STK38L: variants seen among roughly 807,000 people sequenced by gnomAD.
STK38L encodes serine/threonine-protein kinase 38-like.
In STK38L, 28 loss-of-function variants were observed where a neutral mutation model predicts 59.7. That is an observed-to-expected ratio of 0.47 (90% CI 0.35 to 0.64). The LOEUF (loss-of-function observed/expected upper bound fraction) is 0.64. Among genes scored for constraint, STK38L ranks in the 30% least tolerant of loss-of-function variants. The pLI, the probability that STK38L is intolerant of heterozygous loss-of-function variation, is 0.01. For missense variants in STK38L, 314 were observed against 555.8 expected, an observed-to-expected ratio of 0.56 and a Z score of 4.37; for synonymous variants, 162 against 176.8, an observed-to-expected ratio of 0.92 and a Z score of 0.66.
chr12:27,304,972 A>G (rs1434741605), intron 3 of STK38L, among the ~76,000 whole-genome samples: 10 of 152,110 alleles, frequency 6.6e-5, no homozygotes, highest in Admixed American at 4.6e-4. Flanking sequence ...TGATCCTTAC[A>G]GTTTATCTGT....
rs1034073326 is a variant in STK38L, at chr12:27,314,620, C to T, written c.634C>T (p.Arg212Trp). Reference sequence around the variant, plus strand: ...GATCCACCAGTTGGGTTTCATCCATCGGGATATTAAGCCAGACAACCTTTT... The same window carrying T: ...GATCCACCAGTTGGGTTTCATCCATTGGGATATTAAGCCAGACAACCTTTT... ...DAIHQLGFIH[R>W]DIKPDNLLLD... The change falls in exon 7 of 14, where the codon CGG (arginine) becomes TGG (tryptophan). Residue 212 changes from arginine to tryptophan, a missense_variant. Transcript: ENST00000389032. 2 of 1,607,346 alleles carry T rather than the reference C, an allele frequency of 1.2e-6. No homozygotes were observed. Among genetic ancestry groups the T allele is most frequent in the African/African-American group, 1.3e-5 (1 of 74,522 alleles).
chr12:27,309,359 T>A (rs956642297), intron 5 of STK38L, among the ~76,000 whole-genome samples, 162 bp downstream of exon 5: 1 of 152,242 alleles, frequency 6.6e-6, no homozygotes, highest in Non-Finnish European at 1.5e-5. Context: ...TTAAGGTTTC[T>A]TCTAAATTTA....
chr12:27,296,402 A>T (rs1489683008), intron 1 of STK38L, among the ~76,000 whole-genome samples: 1 of 152,254 alleles, frequency 6.6e-6, no homozygotes, highest in Admixed American at 6.5e-5. Flanking sequence ...CAAGCAGTAC[A>T]TTGAGGTATA....
intron 1 of STK38L, among the ~76,000 whole-genome samples, chr12:27,278,922 T>C (rs748063137): frequency 4.6e-5 from 7 of 152,156 alleles, no homozygotes; most frequent in Non-Finnish European, 1.0e-4. Flanking sequence ...AATTGAACTT[T>C]CCAAGTAGAT....
At chr12:27,315,399 T>C (rs1248919858) in intron 9 of STK38L, 49 bp downstream of exon 9, 2 of 1,436,736 alleles carry the variant, frequency 1.4e-6, no homozygotes, top group Non-Finnish European at 1.9e-6. Flanking sequence ...TTCTAAAATC[T>C]TACCTGGTTT....
chr12:27,300,641 T>C, intron 2 of STK38L: 1 of 455,902 alleles, frequency 2.2e-6, no homozygotes, highest in South Asian at 1.6e-5. Context: ...TAGGAGATTA[T>C]TCTTGTCTAA....
At chr12:27,306,646 T>G (rs1281511798) in intron 3 of STK38L, among the ~76,000 whole-genome samples, 1 of 151,386 alleles carries the variant, frequency 6.6e-6, no homozygotes, top group Non-Finnish European at 1.5e-5. Context: ...CCGTTAAAAC[T>G]GATATTTAAG....
intron 1 of STK38L, among the ~76,000 whole-genome samples, chr12:27,263,836 G>A (rs1039658972): frequency 4.6e-5 from 7 of 152,206 alleles, no homozygotes; most frequent in Non-Finnish European, 7.3e-5. Flanking sequence ...ATCTGTCTAC[G>A]TGAGAGTGCC....
At chr12:27,262,821 T>C in intron 1 of STK38L, among the ~76,000 whole-genome samples, 1 of 145,044 alleles carries the variant, frequency 6.9e-6, no homozygotes, top group Non-Finnish European at 1.5e-5. Flanking sequence ...TTTTTTGAGA[T>C]AGAGTCTTAC....
intron 1 of STK38L, among the ~76,000 whole-genome samples, chr12:27,252,483 C>G (rs1261831030): frequency 6.6e-6 from 1 of 152,192 alleles, no homozygotes; most frequent in Non-Finnish European, 1.5e-5. Flanking sequence ...AGTTAAGTGT[C>G]TACCCACTGA....
chr12:27,251,987 C>CTT, intron 1 of STK38L, among the ~76,000 whole-genome samples: 1 of 150,298 alleles, frequency 6.7e-6, no homozygotes, highest in Middle Eastern at 3.4e-3. Flanking sequence ...TACAGTAGCA[C>CTT]TTTTTTTTTT....
intron 12 of STK38L, among the ~76,000 whole-genome samples, chr12:27,321,166 G>A (rs1206295032): frequency 6.6e-6 from 1 of 152,108 alleles, no homozygotes; most frequent in African/African-American, 2.4e-5. Flanking sequence ...GTATAAATGA[G>A]TTGGAATAAT....
At chr12:27,254,977 A>G (rs74072912) in intron 1 of STK38L, among the ~76,000 whole-genome samples, 2,794 of 152,350 alleles carry the variant, frequency 0.018, 91 homozygotes, top group African/African-American at 0.063. Context: ...TCTTTTAATC[A>G]AACATTTCTG....
At chr12:27,306,752 C>CACACACACACACACACACATAT (rs1491536388) in intron 3 of STK38L, among the ~76,000 whole-genome samples, 1 of 139,636 alleles carries the variant, frequency 7.2e-6, no homozygotes, top group South Asian at 2.3e-4. Context: ...CACACACACA[C>CACACACACACACACACACATAT]ATATATTTGA....
chr12:27,297,874 A>G lies in STK38L; in HGVS notation c.134+20A>G. ...AACCAGGTATAGTAAGGGCTAATCAAAACTTTTTTTAGTTAAATAAGCTGT... is the reference window on the plus strand; with the variant it reads ...AACCAGGTATAGTAAGGGCTAATCAGAACTTTTTTTAGTTAAATAAGCTGT... On this transcript the variant is annotated intron_variant, in intron 2 of 13. Transcript: ENST00000389032. 1 of 1,611,462 alleles carries G rather than the reference A, an allele frequency of 6.2e-7. No homozygotes were observed. Among genetic ancestry groups the G allele is most frequent in the South Asian group, 1.1e-5 (1 of 90,804 alleles).
intron 1 of STK38L, among the ~76,000 whole-genome samples, chr12:27,291,283 A>G (rs940261141): frequency 6.6e-6 from 1 of 152,110 alleles, no homozygotes; most frequent in African/African-American, 2.4e-5. Flanking sequence ...TACTCAGTCT[A>G]TCGGTATGCT....
At chr12:27,287,327 C>T (rs1189374214) in intron 1 of STK38L, among the ~76,000 whole-genome samples, 1 of 152,024 alleles carries the variant, frequency 6.6e-6, no homozygotes, top group Non-Finnish European at 1.5e-5. Flanking sequence ...CCAGGCTGGT[C>T]TCAAACTCCT....
intron 1 of STK38L, among the ~76,000 whole-genome samples, chr12:27,289,006 A>AT (rs967441825): frequency 8.6e-5 from 13 of 151,414 alleles, no homozygotes; most frequent in East Asian, 3.9e-4. Context: ...GTTGGCATTG[A>AT]TTTTTTTTTC....
intron 1 of STK38L, among the ~76,000 whole-genome samples, chr12:27,268,085 T>C (rs1943337144): frequency 6.6e-6 from 1 of 152,218 alleles, no homozygotes; most frequent in Non-Finnish European, 1.5e-5. Flanking sequence ...TATCTTCTGC[T>C]AGTCGGTGGC....
Sources: allele counts gnomAD v4.1 joint callset (sites outside exome capture counted in the v4.1 genomes callset), GRCh38; gene constraint gnomAD v4.1.1; transcripts MANE v1.5; gene names NCBI Gene and HGNC (gene_info 2026-07-23, HGNC 2026-07-21).